Variants in ANO4 observed in about 807,000 individuals in gnomAD.
ANO4 encodes the protein anoctamin-4.
ANO4 carries 69 observed loss-of-function variants against 141.9 expected under a neutral mutation model. The ratio of observed to expected loss-of-function variants is 0.49; its 90% CI spans 0.40 to 0.59. ANO4 has a LOEUF of 0.59. Ranked by LOEUF, ANO4 falls within the 20% of genes least tolerant of loss-of-function variation. The probability of loss-of-function intolerance (pLI) is 0.00; values close to 1 mark genes in which losing one functional copy is unlikely to be tolerated. For missense variants in ANO4, 894 were observed against 1,162.2 expected, an observed-to-expected ratio of 0.77 and a Z score of 3.36; for synonymous variants, 350 against 394.3, an observed-to-expected ratio of 0.89 and a Z score of 1.33.
At chr12:100,834,179 T>G (rs2036778675) in intron 1 of ANO4, among the ~76,000 whole-genome samples, 1 of 152,134 alleles carries the variant, frequency 6.6e-6, no homozygotes, top group African/African-American at 2.4e-5. Context: ...TCTGACTGCT[T>G]CTTCCACTGT....
chr12:101,106,093 C>T (rs574258987), intron 22 of ANO4, among the ~76,000 whole-genome samples: 1 of 151,738 alleles, frequency 6.6e-6, no homozygotes, highest in Non-Finnish European at 1.5e-5. Context: ...GCGACAAGAG[C>T]GAAACTCTGT....
intron 2 of ANO4, among the ~76,000 whole-genome samples, chr12:100,907,258 T>C (rs2040888504): frequency 6.6e-6 from 1 of 152,216 alleles, no homozygotes; most frequent in Non-Finnish European, 1.5e-5. Flanking sequence ...GGCTTTTTAG[T>C]ATTTCTCAAG....
intron 8 of ANO4, among the ~76,000 whole-genome samples, chr12:101,011,696 C>T (rs376243456): frequency 6.6e-6 from 1 of 152,148 alleles, no homozygotes; most frequent in South Asian, 2.1e-4. Context: ...TAATCTGAAA[C>T]CCAGCTGGTC....
intron 1 of ANO4, among the ~76,000 whole-genome samples, chr12:100,822,064 A>G (rs537711964): frequency 6.6e-6 from 1 of 152,094 alleles, no homozygotes; most frequent in Admixed American, 6.6e-5. Flanking sequence ...GACCACACTC[A>G]CCAAATAGAA....
chr12:101,018,835 A>G (rs1040449939), intron 8 of ANO4, among the ~76,000 whole-genome samples: 1 of 152,250 alleles, frequency 6.6e-6, no homozygotes, highest in Admixed American at 6.5e-5. Flanking sequence ...CATTTCCTTG[A>G]TGCTCTTGCT....
intron 1 of ANO4, among the ~76,000 whole-genome samples, chr12:100,845,922 GAAA>G (rs1345354515): frequency 5.3e-5 from 8 of 152,198 alleles, no homozygotes; most frequent in Non-Finnish European, 1.2e-4. Context: ...CCCATGGAAG[GAAA>G]GAACCTAGGA....
intron 9 of ANO4, among the ~76,000 whole-genome samples, chr12:101,022,610 A>G (rs1050607758): frequency 2.6e-5 from 4 of 152,250 alleles, no homozygotes; most frequent in African/African-American, 7.2e-5. Context: ...TACCATAAAC[A>G]TACTAGAAAG....
chr12:100,771,484 C>A (rs575060333), intron 3 of ANO4, among the ~76,000 whole-genome samples: 9 of 152,268 alleles, frequency 5.9e-5, no homozygotes, highest in Admixed American at 5.9e-4. Context: ...CACCACCCCC[C>A]ACCCCAGTTC....
intron 19 of ANO4, 64 bp downstream of exon 19, chr12:101,096,711 C>G: frequency 7.9e-7 from 1 of 1,271,614 alleles, no homozygotes; most frequent in Non-Finnish European, 1.1e-6. Context: ...GGCACTGACT[C>G]GTGGGGACAG....
rs574581167 is a variant in ANO4 at position 100,952,912 on chromosome 12, A to G, written c.456+10377A>G. Reference sequence around the variant, plus strand: ...TGATTTATTCAAAGGATTATTCCAAATCAACACGTATTTCATATAACTCAC... The same window carrying G: ...TGATTTATTCAAAGGATTATTCCAAGTCAACACGTATTTCATATAACTCAC... On this transcript the variant is annotated intron_variant, in intron 5 of 27. Transcript: ENST00000392977. Among the ~76,000 whole-genome samples the G allele has an allele frequency of 5.3e-5, 8 of 152,350 alleles. No individual in the cohort carries two copies. The South Asian group carries it at 1.7e-3, about 32-fold the overall frequency.
At chr12:100,901,160 T>G (rs146549241) in intron 1 of ANO4, among the ~76,000 whole-genome samples, 1 of 152,350 alleles carries the variant, frequency 6.6e-6, no homozygotes, top group African/African-American at 2.4e-5. Context: ...TGACACTGGT[T>G]GATGAGTACA....
At chr12:101,032,534 C>T (rs1179006313) in intron 9 of ANO4, among the ~76,000 whole-genome samples, 2 of 152,140 alleles carry the variant, frequency 1.3e-5, no homozygotes, top group Admixed American at 6.5e-5. Flanking sequence ...ACAGGCAACC[C>T]ACAAAGTGGG....
chr12:100,863,879 G>T (rs2038613159), intron 1 of ANO4, among the ~76,000 whole-genome samples: 1 of 152,162 alleles, frequency 6.6e-6, no homozygotes, highest in Non-Finnish European at 1.5e-5. Context: ...TGATCTCACT[G>T]CCTTGTCTTG....
intron 2 of ANO4, among the ~76,000 whole-genome samples, chr12:100,912,974 G>A (rs1365272213): frequency 6.6e-6 from 1 of 152,156 alleles, no homozygotes; most frequent in Non-Finnish European, 1.5e-5. Flanking sequence ...GATGTGTGAT[G>A]TGAGTTTAGT....
chr12:100,837,297 A>G (rs1409576415), intron 1 of ANO4, among the ~76,000 whole-genome samples: 6 of 152,116 alleles, frequency 3.9e-5, no homozygotes, highest in Non-Finnish European at 5.9e-5. Flanking sequence ...TACTGTTATA[A>G]TATCATTTTC....
chr12:100,964,284 G>A (rs1230954135), intron 5 of ANO4, among the ~76,000 whole-genome samples: 1 of 152,076 alleles, frequency 6.6e-6, no homozygotes, highest in African/African-American at 2.4e-5. Flanking sequence ...CTTAGCCAAG[G>A]TACCAGACTT....
At chr12:101,097,419 CAA>C (rs1489943972) in intron 19 of ANO4, among the ~76,000 whole-genome samples, 1 of 152,152 alleles carries the variant, frequency 6.6e-6, no homozygotes, top group Non-Finnish European at 1.5e-5. Context: ...CAGCAAGCAG[CAA>C]GAACTGGCTT....
At chr12:100,792,083 T>C (rs1354462206), upstream of ANO4, among the ~76,000 whole-genome samples, 1 of 135,226 alleles carries the variant, frequency 7.4e-6, no homozygotes, top group Non-Finnish European at 1.6e-5. Context: ...CTCGGTGGTC[T>C]GGAAAATAGT....
chr12:100,933,462 T>C (rs1189052149), intron 3 of ANO4, among the ~76,000 whole-genome samples: 1 of 152,254 alleles, frequency 6.6e-6, no homozygotes, highest in Non-Finnish European at 1.5e-5. Flanking sequence ...TCCTTTTTTA[T>C]GGCTGCATAG....
Sources: gnomAD v4.1 joint callset for allele counts (sites outside exome capture counted in the v4.1 genomes callset) on GRCh38, gnomAD v4.1.1 for gene constraint, MANE v1.5 for transcripts, NCBI Gene and HGNC (gene_info 2026-07-23, HGNC 2026-07-21) for gene names.